DLGAP1: variants seen among roughly 807,000 people sequenced by gnomAD.
DLGAP1 encodes the protein DLG associated protein 1, also known as disks large-associated protein 1.
In DLGAP1, 11 loss-of-function variants were observed where a neutral mutation model predicts 90.8. The ratio of observed to expected loss-of-function variants is 0.12; its 90% CI spans 0.08 to 0.20. The LOEUF (loss-of-function observed/expected upper bound fraction) is 0.20. Among genes scored for constraint, DLGAP1 ranks in the 10% least tolerant of loss-of-function variants. The probability of loss-of-function intolerance (pLI) is 1.00; values close to 1 mark genes in which losing one functional copy is unlikely to be tolerated. For synonymous variants in DLGAP1, 558 were observed against 540.7 expected, an observed-to-expected ratio of 1.03 and a Z score of -0.44; for missense variants, 1,050 against 1,333.8, an observed-to-expected ratio of 0.79 and a Z score of 3.31.
At chr18:3,858,054 C>T (rs1008360174) in intron 4 of DLGAP1, among the ~76,000 whole-genome samples, 6 of 152,202 alleles carry the variant, frequency 3.9e-5, no homozygotes, top group Admixed American at 6.5e-5. Context: ...CATTTGCCTA[C>T]GGGATATCTT....
Position 4,266,861 on chromosome 18 carries a change from G to C in DLGAP1, c.-266-115574C>G, listed in dbSNP as rs147356407. Among the ~76,000 whole-genome samples the C allele has an allele frequency of 4.4e-3, 663 of 152,080 alleles. 1 individual carries two copies. Among genetic ancestry groups the C allele is most frequent in the African/African-American group, 0.015 (641 of 41,420 alleles). ...ATATGGGCTATATGTATAATTTTTAGTAACTCATTAGATAACATTTACAAG... is the reference window on the plus strand; with the variant it reads ...ATATGGGCTATATGTATAATTTTTACTAACTCATTAGATAACATTTACAAG... On this transcript the variant is annotated intron_variant, in intron 1 of 12. Transcript: ENST00000315677.
intron 2 of DLGAP1, among the ~76,000 whole-genome samples, chr18:4,082,605 T>C (rs998901338): frequency 6.0e-5 from 9 of 150,930 alleles, no homozygotes; most frequent in African/African-American, 2.0e-4. Flanking sequence ...CCACCATGCA[T>C]GCTAGTAAAT....
intron 8 of DLGAP1, among the ~76,000 whole-genome samples, chr18:3,576,627 C>A (rs1324200333): frequency 6.6e-6 from 1 of 150,582 alleles, no homozygotes. Context: ...TGCAATGGCG[C>A]GATCTTGGCT....
At chr18:4,420,950 A>G (rs994752261) in intron 1 of DLGAP1, among the ~76,000 whole-genome samples, 2 of 152,220 alleles carry the variant, frequency 1.3e-5, no homozygotes, top group African/African-American at 4.8e-5. Flanking sequence ...ATGATGATAC[A>G]TATATATCTG....
intron 10 of DLGAP1, among the ~76,000 whole-genome samples, chr18:3,519,538 T>G (rs913285121): frequency 6.6e-6 from 1 of 152,180 alleles, no homozygotes; most frequent in Non-Finnish European, 1.5e-5. Context: ...GCATGAACAC[T>G]GCTGTGATTT....
intron 4 of DLGAP1, among the ~76,000 whole-genome samples, chr18:3,831,666 C>T (rs536572130): frequency 3.7e-4 from 57 of 152,320 alleles, no homozygotes; most frequent in African/African-American, 1.3e-3. Context: ...TAAATTACAG[C>T]TTATATGGCT....
chr18:4,124,354 C>T (rs1598439719), intron 2 of DLGAP1, among the ~76,000 whole-genome samples: 1 of 152,238 alleles, frequency 6.6e-6, no homozygotes, highest in African/African-American at 2.4e-5. Context: ...AAAAAATGTT[C>T]GAATAATCCT....
At chr18:3,659,034 A>T (rs1437120938) in intron 7 of DLGAP1, among the ~76,000 whole-genome samples, 1 of 152,172 alleles carries the variant, frequency 6.6e-6, no homozygotes, top group Non-Finnish European at 1.5e-5. Flanking sequence ...CGTGTGATTC[A>T]CTAGCTCCAA....
intron 1 of DLGAP1, among the ~76,000 whole-genome samples, chr18:4,368,753 T>C (rs529671591): frequency 7.4e-6 from 1 of 134,818 alleles, no homozygotes; most frequent in South Asian, 2.8e-4. Flanking sequence ...ATTTTCAAGA[T>C]AGTATAATAT....
At chr18:4,077,607 T>C (rs1177181171) in intron 2 of DLGAP1, among the ~76,000 whole-genome samples, 1 of 152,144 alleles carries the variant, frequency 6.6e-6, no homozygotes, top group Non-Finnish European at 1.5e-5. Flanking sequence ...TCTCTTGCTG[T>C]GTGATCTCTG....
chr18:3,592,906 GAAAAAAAAGAAAGA>G (rs1568260926), intron 7 of DLGAP1, among the ~76,000 whole-genome samples: 2 of 65,734 alleles, frequency 3.0e-5, no homozygotes, highest in African/African-American at 1.1e-4. Context: ...AAAAGAAAAA[GAAAAAAAAGAAAGA>G]AAAGAAAAGA....
chr18:3,508,710 G>C (rs1160328948), intron 10 of DLGAP1, 49 bp from the exon 11 acceptor site: 2 of 1,471,346 alleles, frequency 1.4e-6, no homozygotes, highest in Non-Finnish European at 1.9e-6. Flanking sequence ...CTTCATTGTT[G>C]AGATTTAGTC....
At position 3,516,723 on chromosome 18, in the gene DLGAP1, G is replaced by A. The variant is rs190173543; in HGVS notation, c.2480-8062C>T. Among the ~76,000 whole-genome samples, 238 of 152,258 alleles carry A rather than the reference G, an allele frequency of 1.6e-3. 1 individual carries two copies. Among genetic ancestry groups the A allele is most frequent in the African/African-American group, 5.3e-3 (221 of 41,558 alleles). Reference sequence around the variant, plus strand: ...CAAGAGAGAATGATGATAGACAAGCGAAAGGGGAAACGCCTTATAAAATCA... The same window carrying A: ...CAAGAGAGAATGATGATAGACAAGCAAAAGGGGAAACGCCTTATAAAATCA... On this transcript the variant is annotated intron_variant, in intron 10 of 12. Coordinates refer to ENST00000315677, the MANE Select transcript of DLGAP1 (RefSeq NM_004746.4).
At chr18:3,652,227 G>A (rs1216659953) in intron 7 of DLGAP1, among the ~76,000 whole-genome samples, 1 of 151,598 alleles carries the variant, frequency 6.6e-6, no homozygotes, top group African/African-American at 2.4e-5. Context: ...CACCTACAGA[G>A]GGAATGACAT....
rs148172963 is a variant in DLGAP1 at position 3,724,471 on chromosome 18, T to A, written c.1591+4664A>T. Among the ~76,000 whole-genome samples the A allele has an allele frequency of 3.2e-3, 483 of 152,288 alleles. 1 individual carries two copies. The highest frequency in any genetic ancestry group is 0.011 in the African/African-American group (454 of 41,554). Reference sequence around the variant, plus strand: ...AAAAGACCAGAGAATCTGTTGGGTGTGGTGGCTCATGCCTGTAATCTCAGA... The same window carrying A: ...AAAAGACCAGAGAATCTGTTGGGTGAGGTGGCTCATGCCTGTAATCTCAGA... On this transcript the variant is annotated intron_variant, in intron 7 of 12. Transcript: ENST00000315677.
At position 3,498,357 on chromosome 18, in the gene DLGAP1, A is replaced by T. The variant is rs2049762826; in HGVS notation, c.*828T>A. On this transcript the variant is annotated 3_prime_UTR_variant, in exon 13 of 13. Coordinates refer to ENST00000315677, the MANE Select transcript of DLGAP1 (RefSeq NM_004746.4). Reference sequence around the variant, plus strand: ...GATTTTCTTAATAATAGAACAAAAAAATCCCTTATGTAGTATACTAAACCA... The same window carrying T: ...GATTTTCTTAATAATAGAACAAAAATATCCCTTATGTAGTATACTAAACCA... 6.6e-6 allele frequency: 1 copy of T among 152,204 alleles called. No homozygotes were observed. The highest frequency in any genetic ancestry group is 2.4e-5 in the African/African-American group (1 of 41,446). 9.4% of individuals were successfully genotyped at this position (152,204 alleles called of 1,614,324 possible).
chr18:4,288,364 AGAAACTTG>A (rs1293882654), intron 1 of DLGAP1, among the ~76,000 whole-genome samples: 18 of 152,320 alleles, frequency 1.2e-4, no homozygotes, highest in Non-Finnish European at 2.5e-4. Flanking sequence ...CACAGACTCC[AGAAACTTG>A]GAAAGGACTG....
intron 1 of DLGAP1, among the ~76,000 whole-genome samples, chr18:4,179,186 T>G (rs1008896071): frequency 6.6e-6 from 1 of 152,130 alleles, no homozygotes; most frequent in Non-Finnish European, 1.5e-5. Flanking sequence ...CTGTACCTCT[T>G]TTTTTTGTAA....
chr18:3,650,806 C>T (rs1337855481), intron 7 of DLGAP1, among the ~76,000 whole-genome samples: 7 of 152,210 alleles, frequency 4.6e-5, no homozygotes, highest in Non-Finnish European at 8.8e-5. Context: ...TGGCTGCTCA[C>T]GCCTGTAATC....
Sources: allele counts gnomAD v4.1 joint callset (sites outside exome capture counted in the v4.1 genomes callset), GRCh38; gene constraint gnomAD v4.1.1; transcripts MANE v1.5; gene names NCBI Gene and HGNC (gene_info 2026-07-23, HGNC 2026-07-21).